Variants in BTK observed in about 807,000 individuals in gnomAD.
BTK encodes the protein Bruton tyrosine kinase, also known as tyrosine-protein kinase BTK.
Under a neutral mutation model 57.4 loss-of-function variants are expected in BTK, and 5 were observed. The ratio of observed to expected loss-of-function variants is 0.09; its 90% CI spans 0.05 to 0.18. The LOEUF (loss-of-function observed/expected upper bound fraction) is 0.18. Ranked by LOEUF, BTK falls within the 10% of genes least tolerant of loss-of-function variation. The pLI, the probability that BTK is intolerant of heterozygous loss-of-function variation, is 1.00. For missense variants in BTK, 194 were observed against 501.2 expected (o/e 0.39, Z 5.85); for synonymous variants, 154 against 174.3 (o/e 0.88, Z 0.92).
chrX:101,359,982 TATATATATAA>T (rs1603007680), intron 9 of BTK, 96 bp downstream of exon 9: 1 of 202,999 alleles, frequency 4.9e-6, no homozygotes, highest in African/African-American at 3.2e-5. Flanking sequence ...GTGTGTTATA[TATATATATAA>T]ATATATATAA....
In BTK at chrX:101,366,984, C is replaced by T. The variant is rs1174592242; in HGVS notation, c.391+3014G>A. Among the ~76,000 whole-genome samples the T allele has an allele frequency of 3.6e-5, 4 of 112,425 alleles. No individual in the cohort carries two copies. In the South Asian group the frequency reaches 1.5e-3, roughly 41 times the overall value. On this transcript the variant is annotated intron_variant, in intron 5 of 18. Coordinates refer to ENST00000308731, the MANE Select transcript of BTK (RefSeq NM_000061.3). ...CTCGGCTGGGCATAGTGGCTTACGC[C>T]TGTAATCTCAGCACATTGGGAGGCC...
intron 9 of BTK, 138 bp from the exon 10 acceptor site, chrX:101,359,485 A>G: frequency 1.6e-6 from 1 of 629,584 alleles, no homozygotes; most frequent in Non-Finnish European, 2.7e-6. Flanking sequence ...TCATGTGCAT[A>G]GCACACTGTA....
At chrX:101,350,089 GAAAA>G in intron 18 of BTK, 133 bp from the exon 19 acceptor site, 90 of 341,565 alleles carry the variant, frequency 2.6e-4, no homozygotes, top group Non-Finnish European at 2.9e-4. Flanking sequence ...ATTACAAAAG[GAAAA>G]AAAAAAAAAA....
rs200445244 is a variant in BTK at position 101,349,541 on chromosome X, CCA to C, written c.*342_*343del. The C allele has an allele frequency of 0.035, 7,909 of 226,054 alleles. 152 individuals are homozygous for C. Among genetic ancestry groups the C allele is most frequent in the Non-Finnish European group, 0.05 (6,268 of 125,852 alleles). The allele number at this position is 226,054 out of a possible 1,213,427, so 18.6% of individuals were successfully genotyped here. On this transcript the variant is annotated 3_prime_UTR_variant, in exon 19 of 19. Coordinates refer to ENST00000308731, the MANE Select transcript of BTK (RefSeq NM_000061.3). Reference sequence around the variant, plus strand: ...CATTCTTGCCAAATTCGGTCCACCCCCACACACACACCCCCAAGCTCTACCAA... The same window carrying C: ...CATTCTTGCCAAATTCGGTCCACCCCCACACACACCCCCAAGCTCTACCAA...
At chrX:101,390,217 C>A (rs189288402), upstream of BTK, among the ~76,000 whole-genome samples, 1 of 112,038 alleles carries the variant, frequency 8.9e-6, no homozygotes, top group Admixed American at 9.4e-5. Flanking sequence ...TGAAGTCTTT[C>A]TATGCTGGAC....
At chrX:101,365,825 A>G (rs782405300) in intron 5 of BTK, among the ~76,000 whole-genome samples, 1 of 112,176 alleles carries the variant, frequency 8.9e-6, no homozygotes, top group South Asian at 3.7e-4. Flanking sequence ...AAGAATAAGT[A>G]TAGGCAAATA....
At chrX:101,389,133 G>A (rs5951307), upstream of BTK, among the ~76,000 whole-genome samples, 17,650 of 110,960 alleles carry the variant, frequency 0.16, 1,119 homozygotes, top group South Asian at 0.29. Context: ...CCACCCCCAT[G>A]GTAACTATGG....
intron 12 of BTK, 105 bp from the exon 13 acceptor site, chrX:101,357,688 C>T (rs1926533438): frequency 1.5e-6 from 1 of 672,764 alleles, no homozygotes; most frequent in Non-Finnish European, 2.4e-6. Flanking sequence ...CTTTCTAGTA[C>T]ATTTTGAATC....
At chrX:101,354,751 C>T in intron 15 of BTK, 57 bp from the exon 16 acceptor site, 3 of 1,106,634 alleles carry the variant, frequency 2.7e-6, no homozygotes, top group Non-Finnish European at 3.7e-6. Context: ...GTTAAAGGCA[C>T]AAAGCTTCTG....
chrX:101,366,287 AT>A (rs1183757356), intron 5 of BTK, among the ~76,000 whole-genome samples: 9 of 111,638 alleles, frequency 8.1e-5, no homozygotes, highest in African/African-American at 2.9e-4. Context: ...ATAAAAAAAA[AT>A]AAATAAATAA....
intron 16 of BTK, 65 bp from the exon 17 acceptor site, chrX:101,354,053 G>A: frequency 1.2e-6 from 1 of 843,876 alleles, no homozygotes; most frequent in Non-Finnish European, 1.8e-6. Context: ...ACGTTTTCTT[G>A]GCACGGTCAC....
At chrX:101,359,029 T>C (rs999540296) in intron 10 of BTK, among the ~76,000 whole-genome samples, 1 of 111,658 alleles carries the variant, frequency 9.0e-6, no homozygotes, top group Non-Finnish European at 1.9e-5. Flanking sequence ...TCCCAGCTAC[T>C]TGGGAGGCTG....
rs1195058503 is a variant in BTK at position 101,349,548 on chromosome X, C to G, written c.*337G>C. The G allele has an allele frequency of 2.1e-5, 5 of 233,445 alleles. No homozygotes were observed. The highest frequency in any genetic ancestry group is 3.1e-5 in the Non-Finnish European group (4 of 130,623). The allele number at this position is 233,445 out of a possible 1,213,427, so 19.2% of individuals were successfully genotyped here. ...GCCAAATTCGGTCCACCCCCACACA[C>G]ACACCCCCAAGCTCTACCAAATGCC... On this transcript the variant is annotated 3_prime_UTR_variant, in exon 19 of 19. Transcript: ENST00000308731.
chrX:101,356,359 G>C (rs1253684033), intron 14 of BTK, 91 bp from the exon 15 acceptor site: 19 of 749,792 alleles, frequency 2.5e-5, no homozygotes, highest in Non-Finnish European at 3.2e-5. Flanking sequence ...CCTAGGAGTA[G>C]AGCATCAGAT....
Position 101,356,775 on chromosome X carries a change from A to G in BTK, c.1349+9T>C. ...ATAGATTGAGAGTTGAGTTTGGGCT[A>G]TAACTCACATCATGACTTTGGCTTC... On this transcript the variant is annotated intron_variant, in intron 14 of 18. Coordinates refer to ENST00000308731, the MANE Select transcript of BTK (RefSeq NM_000061.3). 8.3e-7 allele frequency: 1 copy of G among 1,210,829 alleles called. No individual in the cohort carries two copies. The highest frequency in any genetic ancestry group is 1.1e-6 in the Non-Finnish European group (1 of 894,567).
At position 101,357,977 on chromosome X, in the gene BTK, G is replaced by A. The variant is rs147548400; in HGVS notation, c.1102+333C>T. On this transcript the variant is annotated intron_variant, in intron 12 of 18. Transcript: ENST00000308731. ...TATGTTCTTTGAGGACAAGGACCTC[G>A]ACTCAGAATGTTCCCGTGTTCTCCT... 6.0e-3 allele frequency among the ~76,000 whole-genome samples: 671 copies of A among 111,772 alleles called. 5 individuals carry two copies. Among genetic ancestry groups the A allele is most frequent in the African/African-American group, 0.021 (635 of 30,681 alleles).
At chrX:101,387,347 CTTTT>C (rs1195584019), upstream of BTK, among the ~76,000 whole-genome samples, 12 of 75,507 alleles carry the variant, frequency 1.6e-4, no homozygotes, top group East Asian at 3.0e-3. Flanking sequence ...GCCCTGGGAC[CTTTT>C]TTTTTTTTTT....
chrX:101,362,926 C>T (rs1374320697), intron 5 of BTK: 1 of 426,250 alleles, frequency 2.3e-6, no homozygotes, highest in East Asian at 4.0e-5. Flanking sequence ...GAGTATCTCC[C>T]AATCAACAAG....
At chrX:101,375,046 C>T (rs1927162109) in intron 2 of BTK, 98 bp downstream of exon 2, 1 of 1,051,542 alleles carries the variant, frequency 9.5e-7, no homozygotes, top group Admixed American at 2.2e-5. Flanking sequence ...ATTCTACTCC[C>T]CTCCTCCTAC....
Sources: allele counts gnomAD v4.1 joint callset (sites outside exome capture counted in the v4.1 genomes callset), GRCh38; gene constraint gnomAD v4.1.1; transcripts MANE v1.5; gene names NCBI Gene and HGNC (gene_info 2026-07-23, HGNC 2026-07-21).